UGT2B10: variants seen among roughly 807,000 people sequenced by gnomAD.
The protein encoded by UGT2B10 is UDP glucuronosyltransferase family 2 member B10, also known as UDP-glucuronosyltransferase 2B10.
In UGT2B10, 51 loss-of-function variants were observed where a neutral mutation model predicts 43.7. The ratio of observed to expected loss-of-function variants is 1.17; its 90% CI spans 0.93 to 1.47. The LOEUF is 1.47. Ranked by LOEUF, UGT2B10 falls within the 40% of genes most tolerant of loss-of-function variation. The pLI is 0.00. For missense variants in UGT2B10, 696 were observed against 617.7 expected (o/e 1.13, Z -1.34); for synonymous variants, 225 against 209.0 (o/e 1.08, Z -0.66).
chr4:68,821,442 C>T (rs769340699), intron 2 of UGT2B10, among the ~76,000 whole-genome samples: 1 of 152,086 alleles, frequency 6.6e-6, no homozygotes, highest in African/African-American at 2.4e-5. Context: ...GATGAGAGTT[C>T]CTCACATGCA....
intron 5 of UGT2B10, among the ~76,000 whole-genome samples, chr4:68,828,032 T>A (rs1737888856): frequency 6.6e-6 from 1 of 151,990 alleles, no homozygotes; most frequent in Non-Finnish European, 1.5e-5. Flanking sequence ...ATTCCAAATA[T>A]TTTTACTATG....
rs1319587727 is a variant in UGT2B10, at chr4:68,831,618, T to C, written c.*739T>C. On this transcript the variant is annotated 3_prime_UTR_variant, in exon 6 of 6. Transcript: ENST00000265403. ...CCACAAGAAGAATCACTTAATGCTC[T>C]GAAAATTACCAGTAAACTGATTAAA... is the stretch of plus-strand genomic sequence containing the variant. Among the ~76,000 whole-genome samples the C allele has an allele frequency of 6.6e-6, 1 of 152,144 alleles. No individual in the cohort carries two copies. The highest frequency in any genetic ancestry group is 2.4e-5 in the African/African-American group (1 of 41,474).
In UGT2B10 at chr4:68,830,298, C is replaced by T. The variant is rs140032874; in HGVS notation, c.1308-302C>T. Among the ~76,000 whole-genome samples the T allele has an allele frequency of 6.5e-3, 972 of 150,156 alleles. 16 individuals carry two copies. Among genetic ancestry groups the T allele is most frequent in the African/African-American group, 0.023 (930 of 40,868 alleles). On this transcript the variant is annotated intron_variant, in intron 5 of 5. Coordinates refer to ENST00000265403, the MANE Select transcript of UGT2B10 (RefSeq NM_001075.6). Reference sequence around the variant, plus strand: ...TAAACATATGCACTTAATATGGACCCACAAAAACTTAAAATTAAAAAATTA... The same window carrying T: ...TAAACATATGCACTTAATATGGACCTACAAAAACTTAAAATTAAAAAATTA...
intron 5 of UGT2B10, among the ~76,000 whole-genome samples, chr4:68,829,334 G>T (rs886814070): frequency 1.3e-4 from 19 of 151,972 alleles, no homozygotes; most frequent in Admixed American, 1.2e-3. Flanking sequence ...TGACAAAATG[G>T]TTCAGAAAAA....
chr4:68,823,777 G>A (rs547984899), intron 3 of UGT2B10, among the ~76,000 whole-genome samples: 1 of 152,076 alleles, frequency 6.6e-6, no homozygotes, highest in Non-Finnish European at 1.5e-5. Flanking sequence ...TCAGATATTA[G>A]TTCAAAATCA....
At position 68,830,625 on chromosome 4, in the gene UGT2B10, T is replaced by A; in HGVS notation, c.1333T>A (p.Ser445Thr). The A allele has an allele frequency of 6.2e-7, 1 of 1,612,616 alleles. No homozygotes were observed. Among genetic ancestry groups the A allele is most frequent in the Non-Finnish European group, 8.5e-7 (1 of 1,179,248 alleles). ...PSYKENIMKL[S>T]RIQHDQPVKP... ...ATATAAAGAGAATATTATGAAATTATCAAGAATTCAACATGATCAACCAGT... is the reference window on the plus strand; with the variant it reads ...ATATAAAGAGAATATTATGAAATTAACAAGAATTCAACATGATCAACCAGT... The change falls in exon 6 of 6, where the codon TCA (serine) becomes ACA (threonine). Residue 445 changes from serine to threonine, a missense_variant. Coordinates refer to ENST00000265403, the MANE Select transcript of UGT2B10 (RefSeq NM_001075.6).
chr4:68,816,490 G>A lies in UGT2B10; in HGVS notation c.471G>A (p.Glu157=). The A allele has an allele frequency of 6.2e-7, 1 of 1,613,236 alleles. No homozygotes were observed. Among genetic ancestry groups the A allele is most frequent in the East Asian group, 2.2e-5 (1 of 44,804 alleles). Reference sequence around the variant, plus strand: ...CAGATGCTTATTTACCCTGTGGTGAGCTGCTGGCTGAGCTATTTAACATAC... The same window carrying A: ...CAGATGCTTATTTACCCTGTGGTGAACTGCTGGCTGAGCTATTTAACATAC... ...VFADAYLPCG[E]LLAELFNIPF... Residue 157 remains glutamate (E), a synonymous_variant, in exon 1 of 6, where the codon GAG becomes GAA. Transcript: ENST00000265403.
chr4:68,828,542 A>G (rs1304394220), intron 5 of UGT2B10, among the ~76,000 whole-genome samples: 1 of 152,020 alleles, frequency 6.6e-6, no homozygotes, highest in East Asian at 1.9e-4. Flanking sequence ...TAGAAAAGAA[A>G]TATAAAACAA....
chr4:68,818,300 G>A, intron 2 of UGT2B10, 123 bp downstream of exon 2: 1 of 1,512,140 alleles, frequency 6.6e-7, no homozygotes, highest in Non-Finnish European at 8.8e-7. Flanking sequence ...GGGTAAAGCA[G>A]ATACCAATTA....
At chr4:68,819,350 CT>C (rs558197074) in intron 2 of UGT2B10, among the ~76,000 whole-genome samples, 3 of 151,856 alleles carry the variant, frequency 2.0e-5, no homozygotes, top group Non-Finnish European at 4.4e-5. Context: ...GACAGATACC[CT>C]TGGACTTGAT....
At chr4:68,819,313 G>T (rs961174640) in intron 2 of UGT2B10, among the ~76,000 whole-genome samples, 6 of 151,822 alleles carry the variant, frequency 4.0e-5, no homozygotes, top group African/African-American at 1.2e-4. Flanking sequence ...GCACATCAAG[G>T]TTATATTGTC....
Position 68,816,710 on chromosome 4 carries a change from T to C in UGT2B10, c.691T>C (p.Trp231Arg). The C allele has an allele frequency of 1.2e-6, 2 of 1,609,388 alleles. No individual in the cohort carries two copies. Among genetic ancestry groups the C allele is most frequent in the Non-Finnish European group, 1.7e-6 (2 of 1,177,722 alleles). ...FWFQIFNMKKWDQFYSEVLGR... is the reference protein window; with the variant it reads ...FWFQIFNMKKRDQFYSEVLGR... ...GTTCCAAATATTTAATATGAAGAAGTGGGATCAGTTTTACAGTGAAGTTTT... is the reference window on the plus strand; with the variant it reads ...GTTCCAAATATTTAATATGAAGAAGCGGGATCAGTTTTACAGTGAAGTTTT... The change falls in exon 1 of 6, where the codon TGG (tryptophan) becomes CGG (arginine). Residue 231 changes from tryptophan to arginine, a missense_variant. Transcript: ENST00000265403.
chr4:68,828,084 A>T (rs1028123542), intron 5 of UGT2B10, among the ~76,000 whole-genome samples: 6 of 151,996 alleles, frequency 3.9e-5, no homozygotes, highest in African/African-American at 1.4e-4. Context: ...TAAGTTTGGA[A>T]CATTTTTATC....
chr4:68,829,282 T>TATTCAAAG (rs1384960285), intron 5 of UGT2B10, among the ~76,000 whole-genome samples: 1 of 152,056 alleles, frequency 6.6e-6, no homozygotes, highest in African/African-American at 2.4e-5. Context: ...CTAGTGCTGC[T>TATTCAAAG]ATTCAAAGTC....
intron 3 of UGT2B10, among the ~76,000 whole-genome samples, chr4:68,824,817 A>G (rs1423663970): frequency 1.3e-5 from 2 of 152,280 alleles, no homozygotes; most frequent in Non-Finnish European, 2.9e-5. Context: ...TGTTGACCAA[A>G]TTCAGCAAAA....
chr4:68,830,672 C>G lies in UGT2B10; in HGVS notation c.1380C>G (p.Val460=). ...DQPVKPLDRA[V]FWIEFVMRHK... ...CAGTGAAGCCCCTGGATCGAGCAGT[C>G]TTCTGGATTGAATTTGTCATGCGCC... Residue 460 remains valine (V), a synonymous_variant, in exon 6 of 6, where the codon GTC becomes GTG. Transcript: ENST00000265403. The G allele has an allele frequency of 6.2e-7, 1 of 1,613,336 alleles. No individual in the cohort carries two copies. The highest frequency in any genetic ancestry group is 8.5e-7 in the Non-Finnish European group (1 of 1,179,478).
intron 2 of UGT2B10, among the ~76,000 whole-genome samples, chr4:68,819,215 G>A (rs1168551734): frequency 2.6e-5 from 4 of 151,870 alleles, no homozygotes; most frequent in East Asian, 1.9e-4. Context: ...TTGCAATTAT[G>A]GTTATTTTAT....
rs774087269 is a variant in UGT2B10, at chr4:68,830,555, A to G, written c.1308-45A>G. The G allele has an allele frequency of 4.2e-5, 65 of 1,564,630 alleles. No homozygotes were observed. In the African/African-American group the frequency reaches 7.8e-4, roughly 19 times the overall value. On this transcript the variant is annotated intron_variant, in intron 5 of 5. Coordinates refer to ENST00000265403, the MANE Select transcript of UGT2B10 (RefSeq NM_001075.6). ...TTCATAGACTTGATATCTACAGGCA[A>G]ATTAACTTACTTTCAGTGTCGGTAT...
intron 3 of UGT2B10, among the ~76,000 whole-genome samples, chr4:68,824,351 C>G (rs1306341587): frequency 2.0e-5 from 3 of 152,092 alleles, no homozygotes; most frequent in African/African-American, 7.2e-5. Flanking sequence ...GAAGGTGGAT[C>G]CTGTCCAGTA....
Sources: allele counts gnomAD v4.1 joint callset (sites outside exome capture counted in the v4.1 genomes callset), GRCh38; gene constraint gnomAD v4.1.1; transcripts MANE v1.5; gene names NCBI Gene and HGNC (gene_info 2026-07-23, HGNC 2026-07-21).